VPS39: variants seen among roughly 807,000 people sequenced by gnomAD.
VPS39 encodes the protein VPS39 subunit of HOPS complex.
In VPS39, 70 loss-of-function variants were observed where a neutral mutation model predicts 121.0. The observed-to-expected ratio is 0.58, with a 90% CI of 0.48 to 0.71. The LOEUF is 0.71. VPS39 is among the 30% of genes least tolerant of loss of function. The pLI is 0.00. For synonymous variants in VPS39, 378 were observed against 398.1 expected (o/e 0.95, Z 0.60); for missense variants, 818 against 1,051.5 (o/e 0.78, Z 3.07).
chr15:42,165,209 C>T, intron 17 of VPS39, 96 bp from the exon 18 acceptor site: 1 of 1,143,744 alleles, frequency 8.7e-7, no homozygotes, highest in Non-Finnish European at 1.3e-6. Context: ...CAGGTCCCAT[C>T]CAGATTATCC....
At position 42,208,112 on chromosome 15, in the gene VPS39, C is replaced by T. The variant is rs965828338; in HGVS notation, c.42G>A (p.Leu14=). Residue 14 remains leucine, a synonymous_variant, in exon 1 of 25, where the codon CTG becomes CTA. Transcript: ENST00000318006. ...AFEPVPILEK[L]PLQIDCLAAW... is the part of the protein sequence containing the mutation. ...CAGCCAGACAGTCGATTTGCAGAGGCAGCTTTTCTAGGATCGGCACTGGCT... is the reference window on the plus strand; with the variant it reads ...CAGCCAGACAGTCGATTTGCAGAGGTAGCTTTTCTAGGATCGGCACTGGCT... 1.3e-6 allele frequency: 2 copies of T among 1,590,924 alleles called. No individual in the cohort carries two copies. The highest frequency in any genetic ancestry group is 8.6e-7 in the Non-Finnish European group (1 of 1,168,140).
chr15:42,191,758 G>A (rs990605039), intron 2 of VPS39, among the ~76,000 whole-genome samples, 198 bp from the exon 3 acceptor site: 3 of 152,194 alleles, frequency 2.0e-5, no homozygotes, highest in African/African-American at 7.2e-5. Context: ...AGAGCAGAGC[G>A]TTTCATGCAC....
intron 13 of VPS39, among the ~76,000 whole-genome samples, 174 bp downstream of exon 13, chr15:42,167,220 T>C (rs530839106): frequency 3.7e-4 from 56 of 152,366 alleles, no homozygotes; most frequent in African/African-American, 1.3e-3. Context: ...TATCTTGCCC[T>C]ATCCTCTTAA....
In VPS39 at chr15:42,162,379, C is replaced by T. The variant is rs147774465; in HGVS notation, c.2278G>A (p.Ala760Thr). 9.3e-6 allele frequency: 15 copies of T among 1,612,486 alleles called. No individual in the cohort carries two copies. The highest frequency in any genetic ancestry group is 1.6e-4 in the Middle Eastern group (1 of 6,084). The stretch of plus-strand genomic sequence containing the variant: ...TGGTGTAGCTCGAGGACCTGCAGAG[C>T]GGCCTGGAGGTTGGCTTTTGGCTCC... ...LLEPKANLQA[A>T]LQVLELHHSK... Residue 760 changes from alanine (A) to threonine (T), a missense_variant, in exon 22 of 25, where the codon GCT becomes ACT. Ala to Thr is a moderately conservative substitution (Grantham distance 58). Coordinates refer to ENST00000318006, the MANE Select transcript of VPS39 (RefSeq NM_015289.5).
chr15:42,162,598 T>C (rs2049154015), intron 21 of VPS39, 117 bp from the exon 22 acceptor site: 2 of 1,210,420 alleles, frequency 1.7e-6, no homozygotes, highest in African/African-American at 1.5e-5. Flanking sequence ...TCACTGAGCA[T>C]GTAAAACTGG....
At chr15:42,199,800 A>T in intron 2 of VPS39, 96 bp downstream of exon 2, 1 of 1,361,410 alleles carries the variant, frequency 7.3e-7, no homozygotes, top group Non-Finnish European at 9.9e-7. Context: ...TCTAACCTTC[A>T]ATCTCTCTTT....
chr15:42,166,287 T>C, intron 15 of VPS39, 55 bp from the exon 16 acceptor site: 3 of 1,553,660 alleles, frequency 1.9e-6, no homozygotes, highest in Non-Finnish European at 2.7e-6. Context: ...CCTGTGGCAC[T>C]GGGAAGGCAG....
Position 42,163,694 on chromosome 15 carries a change from G to A in VPS39, c.2061C>T (p.Arg687=), listed in dbSNP as rs1436618122. Reference sequence around the variant, plus strand: ...AAAGAGCTTGTTCATGTTTCCCCATGCGCCCCAACAGGAGAGCTCGTTCTT... The same window carrying A: ...AAAGAGCTTGTTCATGTTTCCCCATACGCCCCAACAGGAGAGCTCGTTCTT... ...LLEERALLLG[R]MGKHEQALFI... is the part of the protein sequence containing the mutation. Residue 687 remains arginine, a synonymous_variant, in exon 20 of 25, where the codon CGC becomes CGT. Transcript: ENST00000318006. 6.2e-7 allele frequency: 1 copy of A among 1,613,856 alleles called. No homozygotes were observed. Among genetic ancestry groups the A allele is most frequent in the South Asian group, 1.1e-5 (1 of 90,988 alleles).
intron 11 of VPS39, 126 bp from the exon 12 acceptor site, chr15:42,169,992 G>T: frequency 9.6e-7 from 1 of 1,045,776 alleles, no homozygotes; most frequent in Non-Finnish European, 1.3e-6. Context: ...AAGACTCTCA[G>T]TTCATAAACA....
chr15:42,176,741 T>G (rs550300161), intron 10 of VPS39, among the ~76,000 whole-genome samples: 260 of 152,290 alleles, frequency 1.7e-3, no homozygotes, highest in African/African-American at 6.1e-3. Context: ...TCTTCACGAG[T>G]AGCCACCATA....
chr15:42,207,997 C>A (rs555713937), intron 1 of VPS39, 84 bp downstream of exon 1: 390 of 1,441,788 alleles, frequency 2.7e-4, no homozygotes, highest in Non-Finnish European at 3.6e-4. Context: ...CACGGATGGA[C>A]GCCTGTCCAC....
At chr15:42,181,621 C>T (rs2049582389) in intron 8 of VPS39, among the ~76,000 whole-genome samples, 1 of 151,718 alleles carries the variant, frequency 6.6e-6, no homozygotes, top group South Asian at 2.1e-4. Context: ...CCACTAGATG[C>T]ATAATTACCA....
chr15:42,193,312 C>A (rs1326234946), intron 2 of VPS39, among the ~76,000 whole-genome samples: 2 of 152,124 alleles, frequency 1.3e-5, no homozygotes, highest in Admixed American at 6.5e-5. Flanking sequence ...TGCATTTAAT[C>A]TGTTTTGATA....
chr15:42,197,683 T>C (rs779557836), intron 2 of VPS39, among the ~76,000 whole-genome samples: 18 of 152,330 alleles, frequency 1.2e-4, no homozygotes, highest in Non-Finnish European at 2.5e-4. Flanking sequence ...AGGATAAAAA[T>C]GTCACTGGCT....
At position 42,167,402 on chromosome 15, in the gene VPS39, A is replaced by C. The variant is rs1566892162; in HGVS notation, c.1369T>G (p.Tyr457Asp). The C allele has an allele frequency of 5.6e-6, 9 of 1,614,138 alleles. No individual in the cohort carries two copies. The highest frequency in any genetic ancestry group is 7.6e-6 in the Non-Finnish European group (9 of 1,179,982). Residue 457 changes from tyrosine to aspartate, a missense_variant, in exon 13 of 25, where the codon TAT (tyrosine) becomes GAT (aspartate). Physicochemically the swap from Tyr to Asp is radical, Grantham distance 160. Coordinates refer to ENST00000318006, the MANE Select transcript of VPS39 (RefSeq NM_015289.5). ...GCGCTCAGGTAACTCACATGGAGAT[A>C]GCACTTGAGCAGGGTGGTGTCGATG... is the stretch of plus-strand genomic sequence containing the variant. The part of the protein sequence containing the change: ...QIIDTTLLKC[Y>D]LHTNVALVAP...
intron 2 of VPS39, among the ~76,000 whole-genome samples, chr15:42,191,839 A>T (rs369668011): frequency 1.3e-5 from 2 of 152,210 alleles, no homozygotes; most frequent in South Asian, 2.1e-4. Flanking sequence ...GAGTCTGAAG[A>T]TCTTATCTTG....
chr15:42,178,693 A>C, intron 8 of VPS39, 123 bp from the exon 9 acceptor site: 9 of 1,389,292 alleles, frequency 6.5e-6, no homozygotes, highest in Non-Finnish European at 7.9e-6. Flanking sequence ...GTCAAATATC[A>C]AGCCAGGATC....
chr15:42,199,928 T>A lies in VPS39; in HGVS notation c.107A>T (p.His36Leu). Residue 36 changes from histidine to leucine, a missense_variant, in exon 2 of 25, where the codon CAT (histidine) becomes CTT (leucine). By Grantham distance (99) the His-to-Leu change is moderately conservative (BLOSUM62 -3). Transcript: ENST00000318006. ...EWLLVGTKQG[H>L]LLLYRIRKDV... ...CTTCCGAATCCTATAGAGAAGAAGA[T>A]GTCCTTGTTTGGTTCCCACAAGAAG... The A allele has an allele frequency of 6.3e-7, 1 of 1,594,222 alleles. No homozygotes were observed. Among genetic ancestry groups the A allele is most frequent in the Non-Finnish European group, 8.5e-7 (1 of 1,173,860 alleles).
chr15:42,183,122 C>T (rs879180016), intron 8 of VPS39, among the ~76,000 whole-genome samples: 7 of 148,868 alleles, frequency 4.7e-5, no homozygotes, highest in African/African-American at 1.5e-4. Context: ...TTTTTTGAGG[C>T]GGGAGTCTTG....
Sources: gnomAD v4.1 joint callset for allele counts (sites outside exome capture counted in the v4.1 genomes callset) on GRCh38, gnomAD v4.1.1 for gene constraint, MANE v1.5 for transcripts, NCBI Gene and HGNC (gene_info 2026-07-23, HGNC 2026-07-21) for gene names.